INPP4B: variants seen among roughly 807,000 people sequenced by gnomAD.
INPP4B encodes the protein inositol polyphosphate-4-phosphatase type II B.
A neutral mutation model predicts 122.5 loss-of-function variants in INPP4B; 55 were observed. That is an observed-to-expected ratio of 0.45 (90% confidence interval 0.36 to 0.56). The LOEUF (loss-of-function observed/expected upper bound fraction) is 0.56, where lower values mean the gene tolerates loss of function less well. Among genes scored for constraint, INPP4B ranks in the 20% least tolerant of loss-of-function variants. The pLI, the probability that INPP4B is intolerant of heterozygous loss-of-function variation, is 0.00. For synonymous variants in INPP4B, 403 were observed against 388.7 expected (o/e 1.04, Z -0.43); for missense variants, 1,000 against 1,097.7 (o/e 0.91, Z 1.26).
intron 24 of INPP4B, among the ~76,000 whole-genome samples, chr4:142,083,153 C>T (rs336329): frequency 0.89 from 134,457 of 151,656 alleles, 61,182 homozygotes; most frequent in Non-Finnish European, 0.98. Context: ...AAATAAACTT[C>T]GCAGAACTCT....
At chr4:142,707,638 G>C (rs866480007) in intron 2 of INPP4B, among the ~76,000 whole-genome samples, 2 of 152,308 alleles carry the variant, frequency 1.3e-5, no homozygotes, top group South Asian at 2.1e-4. Context: ...TGCCATGATT[G>C]TAAGTTTCCT....
At chr4:142,439,321 T>G (rs1811207834) in intron 3 of INPP4B, among the ~76,000 whole-genome samples, 1 of 152,198 alleles carries the variant, frequency 6.6e-6, no homozygotes, top group African/African-American at 2.4e-5. Context: ...TGTGTGGAAG[T>G]GTCATACAGG....
intron 10 of INPP4B, among the ~76,000 whole-genome samples, chr4:142,267,082 T>A: frequency 6.6e-6 from 1 of 152,134 alleles, no homozygotes; most frequent in East Asian, 1.9e-4. Flanking sequence ...TAGAAAAGTA[T>A]CCCATGCTCG....
At chr4:142,571,278 A>C (rs1450518942) in intron 2 of INPP4B, among the ~76,000 whole-genome samples, 1 of 152,026 alleles carries the variant, frequency 6.6e-6, no homozygotes, top group African/African-American at 2.4e-5. Context: ...CAACCTAGTT[A>C]TCCTGAGCAA....
chr4:142,346,676 T>C (rs551355947), intron 7 of INPP4B, among the ~76,000 whole-genome samples: 1 of 152,038 alleles, frequency 6.6e-6, no homozygotes, highest in South Asian at 2.1e-4. Flanking sequence ...AATGCAATTA[T>C]GGCTCTAACA....
chr4:142,145,623 G>GAA (rs922877569), intron 18 of INPP4B, among the ~76,000 whole-genome samples: 1 of 146,078 alleles, frequency 6.8e-6, no homozygotes, highest in Admixed American at 6.8e-5. Context: ...GGTAAGATAA[G>GAA]AAAAAAAAAA....
intron 2 of INPP4B, among the ~76,000 whole-genome samples, chr4:142,488,124 T>A (rs928827905): frequency 1.3e-5 from 2 of 152,116 alleles, no homozygotes; most frequent in Admixed American, 6.6e-5. Flanking sequence ...AATGTTGAAT[T>A]TTTCAGTTGC....
chr4:142,163,188 A>G (rs897857219), intron 16 of INPP4B, among the ~76,000 whole-genome samples: 1 of 151,896 alleles, frequency 6.6e-6, no homozygotes, highest in Non-Finnish European at 1.5e-5. Flanking sequence ...TGAAAATATT[A>G]AGTGAAAAAA....
intron 11 of INPP4B, among the ~76,000 whole-genome samples, chr4:142,240,106 T>A (rs1858607585): frequency 6.6e-6 from 1 of 151,434 alleles, no homozygotes; most frequent in Non-Finnish European, 1.5e-5. Flanking sequence ...TCTCATTCTG[T>A]CACCAAGGCC....
chr4:142,323,577 C>G (rs2627820), intron 7 of INPP4B, among the ~76,000 whole-genome samples: 48,127 of 151,174 alleles, frequency 0.32, 8,663 homozygotes, highest in South Asian at 0.45. Context: ...TCCCCAGTAG[C>G]TGGGACTACA....
intron 2 of INPP4B, among the ~76,000 whole-genome samples, chr4:142,706,816 A>G (rs1370166248): frequency 1.3e-5 from 2 of 152,232 alleles, no homozygotes; most frequent in Non-Finnish European, 2.9e-5. Flanking sequence ...GCCTTGTCTA[A>G]AGACGCTAAA....
intron 11 of INPP4B, among the ~76,000 whole-genome samples, chr4:142,245,463 A>G (rs993864994): frequency 1.3e-5 from 2 of 152,280 alleles, no homozygotes; most frequent in Admixed American, 1.3e-4. Context: ...CACATTTATT[A>G]AATAGGGAAT....
intron 1 of INPP4B, among the ~76,000 whole-genome samples, chr4:142,840,080 T>G (rs748693994): frequency 2.0e-5 from 3 of 152,186 alleles, no homozygotes; most frequent in Non-Finnish European, 2.9e-5. Flanking sequence ...TATATCCAGC[T>G]TAACCAAGAA....
At position 142,650,179 on chromosome 4, in the gene INPP4B, C is replaced by T. The variant is rs545098332; in HGVS notation, c.-191+75660G>A. 7.9e-5 allele frequency among the ~76,000 whole-genome samples: 12 copies of T among 152,330 alleles called. No homozygotes were observed. The South Asian group carries it at 2.3e-3, about 29-fold the overall frequency. On this transcript the variant is annotated intron_variant, in intron 2 of 25. Coordinates refer to ENST00000262992, the MANE Select transcript of INPP4B (RefSeq NM_001101669.3). ...ACAAGCAAATGCTGAGAGATTCTGT[C>T]ACCACCAGGCCTGCCTTGCAAGAGC...
At chr4:142,806,278 C>CAAAAAAAAAA (rs1175185594) in intron 1 of INPP4B, among the ~76,000 whole-genome samples, 57 of 53,582 alleles carry the variant, frequency 1.1e-3, no homozygotes, top group African/African-American at 3.5e-3. Flanking sequence ...GACTCCGTCT[C>CAAAAAAAAAA]AAAAAAAAAA....
chr4:142,602,339 AATAGAAAAACATTCCATGCTCATGG>A (rs977843000), intron 2 of INPP4B, among the ~76,000 whole-genome samples: 1 of 152,168 alleles, frequency 6.6e-6, no homozygotes, highest in African/African-American at 2.4e-5. Flanking sequence ...AGAGGACACA[AATAGAAAAACATTCCATGCTCATGG>A]ATAGAAAGAA....
chr4:142,194,701 A>G (rs751836511), intron 14 of INPP4B, among the ~76,000 whole-genome samples: 1 of 152,180 alleles, frequency 6.6e-6, no homozygotes, highest in Admixed American at 6.5e-5. Flanking sequence ...ACAGAGAGTC[A>G]GTGTTCCCTG....
rs1819575419 is a variant in INPP4B at position 142,160,487 on chromosome 4, T to C, written c.1434A>G (p.Pro478=). 1 of 1,612,634 alleles carries C rather than the reference T, an allele frequency of 6.2e-7. No individual in the cohort carries two copies. Among genetic ancestry groups the C allele is most frequent in the Admixed American group, 1.7e-5 (1 of 59,790 alleles). Residue 478 remains proline, a synonymous_variant, in exon 17 of 26, where the codon CCA becomes CCG. Transcript: ENST00000262992. ...SALLALYTAR[P]GGILKKPPSP... ...AGGGTGGCTTCTTAAGAATGCCTCCTGGCCTTGCAGTGTAGAGTGCTAAAA... is the reference window on the plus strand; with the variant it reads ...AGGGTGGCTTCTTAAGAATGCCTCCCGGCCTTGCAGTGTAGAGTGCTAAAA...
rs1267260881 is a variant in INPP4B at position 142,144,410 on chromosome 4, A to G, written c.1720+1430T>C. ...GCCTTGAAAAAATCTATCAATGGAC[A>G]TAGTCACTAAAATGAATTCTTCTTA... On this transcript the variant is annotated intron_variant, in intron 18 of 25. Coordinates refer to ENST00000262992, the MANE Select transcript of INPP4B (RefSeq NM_001101669.3). Among the ~76,000 whole-genome samples, 4 of 152,184 alleles carry G rather than the reference A, an allele frequency of 2.6e-5. No homozygotes were observed. In the East Asian group the frequency reaches 7.7e-4, roughly 29 times the overall value.
Sources: allele counts gnomAD v4.1 joint callset (sites outside exome capture counted in the v4.1 genomes callset), GRCh38; gene constraint gnomAD v4.1.1; transcripts MANE v1.5; gene names NCBI Gene and HGNC (gene_info 2026-07-23, HGNC 2026-07-21).